PKN2: variants seen among roughly 807,000 people sequenced by gnomAD.
PKN2 encodes protein kinase N2.
In PKN2, 38 loss-of-function variants were observed where a neutral mutation model predicts 119.1. That is an observed-to-expected ratio of 0.32 (90% CI 0.25 to 0.42). The LOEUF (loss-of-function observed/expected upper bound fraction) is 0.42, where lower values mean the gene tolerates loss of function less well. PKN2 is among the 10% of genes least tolerant of loss of function. PKN2 has a pLI of 1.00. For missense variants in PKN2, 850 were observed against 1,165.1 expected (o/e 0.73, Z 3.94); for synonymous variants, 390 against 384.9 (o/e 1.01, Z -0.15).
intron 6 of PKN2, chr1:88,781,137 A>T (rs1670324958): frequency 5.5e-6 from 7 of 1,276,636 alleles, no homozygotes; most frequent in Non-Finnish European, 7.1e-6. Context: ...ACTACACATG[A>T]CGAAAAGATG....
intron 3 of PKN2, among the ~76,000 whole-genome samples, chr1:88,769,057 A>G (rs1570601391): frequency 6.6e-6 from 1 of 152,240 alleles, no homozygotes; most frequent in Admixed American, 6.5e-5. Flanking sequence ...GCACCAAACA[A>G]TTCATGAGGG....
intron 6 of PKN2, among the ~76,000 whole-genome samples, chr1:88,777,883 C>G (rs771109765): frequency 5.3e-5 from 8 of 152,206 alleles, no homozygotes; most frequent in Non-Finnish European, 1.2e-4. Context: ...GAAACATTTA[C>G]AGTCTCTTCT....
At chr1:88,740,514 C>T (rs542536655) in intron 1 of PKN2, among the ~76,000 whole-genome samples, 1 of 151,900 alleles carries the variant, frequency 6.6e-6, no homozygotes, top group African/African-American at 2.4e-5. Flanking sequence ...CTGCAGTGAC[C>T]CAGTACTTGT....
intron 6 of PKN2, among the ~76,000 whole-genome samples, chr1:88,775,668 A>G (rs1408283760): frequency 6.6e-6 from 1 of 151,706 alleles, no homozygotes; most frequent in Non-Finnish European, 1.5e-5. Context: ...CCTACAAAAA[A>G]CTCTTTGACT....
At chr1:88,789,761 T>G (rs1013757102) in intron 8 of PKN2, among the ~76,000 whole-genome samples, 2 of 151,884 alleles carry the variant, frequency 1.3e-5, no homozygotes, top group African/African-American at 4.8e-5. Context: ...TTTCAGAAAT[T>G]TTTGACTCAC....
At chr1:88,749,532 GAT>G (rs1338364459) in intron 2 of PKN2, among the ~76,000 whole-genome samples, 6 of 152,156 alleles carry the variant, frequency 3.9e-5, no homozygotes, top group African/African-American at 1.4e-4. Flanking sequence ...TTCAGTTGGT[GAT>G]ATATGACAAG....
Position 88,805,891 on chromosome 1 carries a change from T to G in PKN2, c.1677T>G (p.Ser559Arg). 17 of 1,613,666 alleles carry G rather than the reference T, an allele frequency of 1.1e-5. No individual in the cohort carries two copies. The highest frequency in any genetic ancestry group is 1.4e-5 in the Non-Finnish European group (17 of 1,179,872). Reference sequence around the variant, plus strand: ...GGTGAGTTACTTTATCTTCTATAAGTGATTCTACAGTAACCAAATTGGACT... The same window carrying G: ...GGTGAGTTACTTTATCTTCTATAAGGGATTCTACAGTAACCAAATTGGACT... The part of the protein sequence containing the change: ...VRIPQLAPPA[S>R]DSTVTKLDFD... The change falls in exon 12 of 22, where the codon AGT becomes AGG. Residue 559 changes from serine (S) to arginine (R), a missense_variant and splice_region_variant. Physicochemically the swap from Ser to Arg is moderately radical, Grantham distance 110 (BLOSUM62 -1). Around this residue, in one of 9 missense-constraint regions of PKN2, gnomAD observed 216 missense variants for 252.8 expected, o/e 0.85. Transcript: ENST00000370521.
intron 1 of PKN2, among the ~76,000 whole-genome samples, chr1:88,724,966 G>C (rs896856216): frequency 7.1e-6 from 1 of 140,008 alleles, no homozygotes; most frequent in African/African-American, 2.7e-5. Context: ...GCACAATCTC[G>C]GCTCACTGCA....
intron 2 of PKN2, among the ~76,000 whole-genome samples, chr1:88,752,492 T>C (rs1294081217): frequency 2.0e-5 from 3 of 152,150 alleles, no homozygotes; most frequent in African/African-American, 7.2e-5. Context: ...GTAATTGTGC[T>C]GGAACTGTCA....
chr1:88,782,172 G>C (rs1670372400), intron 6 of PKN2, among the ~76,000 whole-genome samples: 1 of 152,036 alleles, frequency 6.6e-6, no homozygotes, highest in South Asian at 2.1e-4. Flanking sequence ...TTGCATGAGA[G>C]ATCTCCTGCC....
rs970620037 is a variant in PKN2, at chr1:88,743,537, A to ATTCT, written c.349+2250_349+2253dup. ...GTATTACCATAAAACCTTCCATGAC[A>ATTCT]TTCTCTGCTTTATCTTCTCTGTGCT... On this transcript the variant is annotated intron_variant, in intron 2 of 21. Coordinates refer to ENST00000370521, the MANE Select transcript of PKN2 (RefSeq NM_006256.4). 2.6e-5 allele frequency among the ~76,000 whole-genome samples: 4 copies of ATTCT among 152,298 alleles called. No individual in the cohort carries two copies. In the East Asian group the frequency reaches 7.7e-4, roughly 29 times the overall value.
chr1:88,820,324 C>G (rs538380863), intron 16 of PKN2, among the ~76,000 whole-genome samples: 1 of 148,636 alleles, frequency 6.7e-6, no homozygotes, highest in African/African-American at 2.5e-5. Flanking sequence ...CACCTGAGGT[C>G]GGAAGTTCGA....
At chr1:88,785,203 A>C (rs760995388) in intron 7 of PKN2, among the ~76,000 whole-genome samples, 10 of 152,138 alleles carry the variant, frequency 6.6e-5, no homozygotes, top group Non-Finnish European at 1.2e-4. Flanking sequence ...GCAGTGGTGC[A>C]ATCAGGTCTC....
intron 1 of PKN2, among the ~76,000 whole-genome samples, chr1:88,686,605 T>A (rs911556734): frequency 6.6e-6 from 1 of 152,106 alleles, no homozygotes; most frequent in Non-Finnish European, 1.5e-5. Context: ...ATCCAAGTCA[T>A]TTTCTTGGTT....
intron 1 of PKN2, among the ~76,000 whole-genome samples, chr1:88,699,878 G>A (rs926044826): frequency 6.6e-6 from 1 of 151,960 alleles, no homozygotes; most frequent in African/African-American, 2.4e-5. Flanking sequence ...TGCCTCCTGG[G>A]TTCAAGTGAT....
chr1:88,744,965 T>C (rs1668715915), intron 2 of PKN2, among the ~76,000 whole-genome samples: 1 of 152,240 alleles, frequency 6.6e-6, no homozygotes. Flanking sequence ...TCTGAGCTTC[T>C]TGTTCATCTT....
chr1:88,700,331 C>T (rs150504668), intron 1 of PKN2, among the ~76,000 whole-genome samples: 24 of 152,268 alleles, frequency 1.6e-4, no homozygotes, highest in African/African-American at 5.8e-4. Flanking sequence ...GCCACACTGT[C>T]TTCCACAATG....
chr1:88,748,482 C>T (rs1668859060), intron 2 of PKN2, among the ~76,000 whole-genome samples: 1 of 152,106 alleles, frequency 6.6e-6, no homozygotes, highest in Admixed American at 6.6e-5. Flanking sequence ...TTTATCCATT[C>T]ACAAAGAACG....
chr1:88,781,619 A>G (rs1428416658), intron 6 of PKN2, among the ~76,000 whole-genome samples: 2 of 152,118 alleles, frequency 1.3e-5, no homozygotes, highest in Non-Finnish European at 2.9e-5. Context: ...GTCACCTCAT[A>G]AAGAAACTTC....
Sources: gnomAD v4.1 joint callset for allele counts (sites outside exome capture counted in the v4.1 genomes callset) on GRCh38, gnomAD v4.1.1 for gene constraint, gnomAD v4.1.1 regional missense constraint, MANE v1.5 for transcripts, NCBI Gene and HGNC (gene_info 2026-07-23, HGNC 2026-07-21) for gene names.